ZNF607: variants seen among roughly 807,000 people sequenced by gnomAD.
ZNF607 encodes the protein zinc finger protein 607.
ZNF607 carries 5 observed loss-of-function variants against 12.8 expected under a neutral mutation model. The ratio of observed to expected loss-of-function variants is 0.39; its 90% CI spans 0.20 to 0.82. ZNF607 has a LOEUF of 0.82. Among genes scored for constraint, ZNF607 ranks in the 40% least tolerant of loss-of-function variants. The pLI is 0.39. For synonymous variants in ZNF607, 287 were observed against 276.2 expected (o/e 1.04, Z -0.39); for missense variants, 851 against 859.2 (o/e 0.99, Z 0.12).
chr19:37,698,983 T>A lies in ZNF607; in HGVS notation c.1148A>T (p.His383Leu). The A allele has an allele frequency of 1.2e-6, 2 of 1,614,058 alleles. No homozygotes were observed. Among genetic ancestry groups the A allele is most frequent in the Non-Finnish European group, 1.7e-6 (2 of 1,180,002 alleles). Residue 383 changes from histidine to leucine, a missense_variant, in exon 5 of 5, where the codon CAT becomes CTT. Coordinates refer to ENST00000355202, the MANE Select transcript of ZNF607 (RefSeq NM_032689.5). ...AFSVHGRLTR[H>L]QGIHSGKKPY... ...TTTCTTACCACTATGAATACCCTGA[T>A]GTCGAGTAAGTCGTCCATGCACACT... is the stretch of plus-strand genomic sequence containing the variant.
At chr19:37,716,753 G>A (rs1363968169) in intron 1 of ZNF607, among the ~76,000 whole-genome samples, 1 of 152,110 alleles carries the variant, frequency 6.6e-6, no homozygotes, top group Non-Finnish European at 1.5e-5. Context: ...TGACGAAACT[G>A]CCTTAATTCC....
Position 37,698,391 on chromosome 19 carries a change from G to A in ZNF607, c.1740C>T (p.Asp580=). 2 of 1,614,074 alleles carry A rather than the reference G, an allele frequency of 1.2e-6. No homozygotes were observed. The highest frequency in any genetic ancestry group is 1.7e-6 in the Non-Finnish European group (2 of 1,180,006). ...AGGACTTTTCACCAGCATGAGTTCG[G>A]TCATGATATATGAGGCTTGTGGCAT... ...FRHATSLIYH[D]RTHAGEKSYE... The change falls in exon 5 of 5, where the codon GAC becomes GAT. Residue 580 remains aspartate, a synonymous_variant. Coordinates refer to ENST00000355202, the MANE Select transcript of ZNF607 (RefSeq NM_032689.5).
Position 37,699,747 on chromosome 19 carries a change from T to C in ZNF607, c.384A>G (p.Glu128=), listed in dbSNP as rs749092790. 2 of 1,613,966 alleles carry C rather than the reference T, an allele frequency of 1.2e-6. No homozygotes were observed. Among genetic ancestry groups the C allele is most frequent in the Non-Finnish European group, 1.7e-6 (2 of 1,180,002 alleles). ...TATGAATTGTTTGATGTACCATGAG[T>C]TCTGTAAGATGACTAAAGGACTTCT... is the stretch of plus-strand genomic sequence containing the variant. ...QCQKSFSHLT[E]LMVHQTIHTS... is the part of the protein sequence containing the mutation. The change falls in exon 5 of 5, where the codon GAA becomes GAG. Residue 128 remains glutamate, a synonymous_variant. Coordinates refer to ENST00000355202, the MANE Select transcript of ZNF607 (RefSeq NM_032689.5).
In ZNF607 at chr19:37,696,701, C is replaced by A. The variant is rs988572521; in HGVS notation, c.*1339G>T. 6.4e-6 allele frequency: 5 copies of A among 778,838 alleles called. No individual in the cohort carries two copies. The highest frequency in any genetic ancestry group is 1.1e-5 in the Non-Finnish European group (5 of 445,010). The allele number at this position is 778,838 out of a possible 1,614,324, so 48.2% of individuals were successfully genotyped here. A position where few individuals can be genotyped will look rare whatever the true frequency, so the allele number is the denominator to read the frequency against. On this transcript the variant is annotated 3_prime_UTR_variant, in exon 5 of 5. Transcript: ENST00000355202. ...GAGCATGAGAGCTGGTATGCAATGT[C>A]TTCTGCAGCTTCCAGCTTGCACAGC...
At chr19:37,718,599 T>A (rs1225643340) in intron 1 of ZNF607, among the ~76,000 whole-genome samples, 1 of 152,146 alleles carries the variant, frequency 6.6e-6, no homozygotes, top group Non-Finnish European at 1.5e-5. Context: ...CAAATTTTAG[T>A]CAGGCTACTA....
At chr19:37,701,401 C>T (rs1189234656) in intron 4 of ZNF607, among the ~76,000 whole-genome samples, 4 of 152,222 alleles carry the variant, frequency 2.6e-5, no homozygotes, top group African/African-American at 4.8e-5. Flanking sequence ...CCTGCTCCAC[C>T]CTAACTCATT....
rs774636911 is a variant in ZNF607, at chr19:37,698,278, T to C, written c.1853A>G (p.Glu618Gly). 1.2e-6 allele frequency: 2 copies of C among 1,614,162 alleles called. No homozygotes were observed. Among genetic ancestry groups the C allele is most frequent in the Non-Finnish European group, 1.7e-6 (2 of 1,180,034 alleles). The change falls in exon 5 of 5, where the codon GAA becomes GGA. Residue 618 changes from glutamate to glycine, a missense_variant. Coordinates refer to ENST00000355202, the MANE Select transcript of ZNF607 (RefSeq NM_032689.5). ...ERIHTSDKPY[E>G]CKRCGKAFHC... is the part of the protein sequence containing the mutation. ...AAATGCCTTCCCACATCTTTTACATTCATAGGGTTTATCACTGGTATGAAT... is the reference window on the plus strand; with the variant it reads ...AAATGCCTTCCCACATCTTTTACATCCATAGGGTTTATCACTGGTATGAAT...
chr19:37,710,235 C>A (rs552820605), intron 2 of ZNF607, among the ~76,000 whole-genome samples: 3 of 151,650 alleles, frequency 2.0e-5, no homozygotes, highest in African/African-American at 7.3e-5. Flanking sequence ...GAGGCCAAGG[C>A]GGGCAGATTA....
chr19:37,711,713 G>A, intron 1 of ZNF607, 21 bp from the exon 2 acceptor site: 1 of 1,288,340 alleles, frequency 7.8e-7, no homozygotes. Context: ...AGAAGACCTT[G>A]AGACCAGCTG....
At chr19:37,714,533 C>T (rs2045159510) in intron 1 of ZNF607, among the ~76,000 whole-genome samples, 1 of 145,310 alleles carries the variant, frequency 6.9e-6, no homozygotes, top group Non-Finnish European at 1.5e-5. Context: ...CACTGCACTC[C>T]AGCCTGGATG....
chr19:37,713,087 C>T (rs1338677400), intron 1 of ZNF607, among the ~76,000 whole-genome samples: 1 of 151,740 alleles, frequency 6.6e-6, no homozygotes, highest in Non-Finnish European at 1.5e-5. Context: ...ATTAATTTTG[C>T]TTTCTATCTA....
chr19:37,699,829 A>C lies in ZNF607; in HGVS notation c.302T>G (p.Val101Gly), dbSNP rs374818216. 3 of 1,613,420 alleles carry C rather than the reference A, an allele frequency of 1.9e-6. No individual in the cohort carries two copies. Among genetic ancestry groups the C allele is most frequent in the Non-Finnish European group, 2.5e-6 (3 of 1,179,826 alleles). The change falls in exon 5 of 5, where the codon GTT becomes GGT. Residue 101 changes from valine to glycine, a missense_variant. Transcript: ENST00000355202. ...ATTATGAATTCTCTGATGGAGAGTA[A>C]CACATGAGTGTTTCCTATAAAGCTG... ...KMQLYRKHSC[V>G]TLHQRIHNGQ...
chr19:37,714,379 C>A (rs1229337240), intron 1 of ZNF607, among the ~76,000 whole-genome samples: 1 of 150,414 alleles, frequency 6.6e-6, no homozygotes, highest in Non-Finnish European at 1.5e-5. Context: ...AACAAACATA[C>A]TCACCCTGTC....
intron 4 of ZNF607, among the ~76,000 whole-genome samples, chr19:37,702,340 G>A (rs2045046792): frequency 1.3e-5 from 2 of 150,958 alleles, no homozygotes; most frequent in Admixed American, 1.3e-4. Context: ...AACAGCTGTG[G>A]GAATAAATCA....
rs1226398808 is a variant in ZNF607 at position 37,711,630 on chromosome 19, G to A, written c.-12C>T. 6.2e-7 allele frequency: 1 copy of A among 1,613,810 alleles called. No homozygotes were observed. The highest frequency in any genetic ancestry group is 1.1e-5 in the South Asian group (1 of 91,082). ...CTTACATAGGACATGGTTTGAGACT[G>A]GCAAGAGTTGATCAGTCCTTGGCGT... On this transcript the variant is annotated 5_prime_UTR_variant, in exon 2 of 5. Coordinates refer to ENST00000355202, the MANE Select transcript of ZNF607 (RefSeq NM_032689.5).
rs757882592 is a variant in ZNF607, at chr19:37,698,323, T to A, written c.1808A>T (p.His603Leu). The change falls in exon 5 of 5, where the codon CAT (histidine) becomes CTT (leucine). Residue 603 changes from histidine (H) to leucine (L), a missense_variant. Transcript: ENST00000355202. The stretch of plus-strand genomic sequence containing the variant: ...ATGAATTCTCTCATGAATAATAAGA[T>A]GTGAAGCATGACTAAAAGTTTCCCC... ...ECGETFSHAS[H>L]LIIHERIHTS... 8.1e-6 allele frequency: 13 copies of A among 1,614,014 alleles called. No homozygotes were observed. Among genetic ancestry groups the A allele is most frequent in the Non-Finnish European group, 1.1e-5 (13 of 1,180,018 alleles).
chr19:37,714,340 A>AGCAGCAG (rs2045157023), intron 1 of ZNF607, among the ~76,000 whole-genome samples: 1 of 148,210 alleles, frequency 6.7e-6, no homozygotes. Context: ...AACAACAACA[A>AGCAGCAG]CAGCAGCAGC....
intron 4 of ZNF607, among the ~76,000 whole-genome samples, chr19:37,706,071 A>G (rs2045080335): frequency 6.6e-6 from 1 of 151,954 alleles, no homozygotes; most frequent in African/African-American, 2.4e-5. Flanking sequence ...CAGCACACCC[A>G]TAGTTCCAGC....
At position 37,697,332 on chromosome 19, in the gene ZNF607, T is replaced by G. The variant is rs55743020; in HGVS notation, c.*708A>C. The G allele has an allele frequency of 0.31, 413,218 of 1,323,490 alleles. 69,840 individuals carry two copies. The highest frequency in any genetic ancestry group is 0.35 in the Non-Finnish European group (325,561 of 926,862). 82.0% of individuals were successfully genotyped at this position (1,323,490 alleles called of 1,614,324 possible). ...AGCATCCACATTACATAAGGCAGAG[T>G]TCACCATGCCTCCTGCAACAGCTAA... On this transcript the variant is annotated 3_prime_UTR_variant, in exon 5 of 5. Coordinates refer to ENST00000355202, the MANE Select transcript of ZNF607 (RefSeq NM_032689.5).
Sources: allele counts gnomAD v4.1 joint callset (sites outside exome capture counted in the v4.1 genomes callset), GRCh38; gene constraint gnomAD v4.1.1; transcripts MANE v1.5; gene names NCBI Gene and HGNC (gene_info 2026-07-23, HGNC 2026-07-21).